KIF26B: variants seen among roughly 807,000 people sequenced by gnomAD.
The protein encoded by KIF26B is kinesin-like protein KIF26B.
Under a neutral mutation model 151.2 loss-of-function variants are expected in KIF26B, and 63 were observed. The observed-to-expected ratio is 0.42, with a 90% CI of 0.34 to 0.51. The LOEUF is 0.51. Ranked by LOEUF, KIF26B falls within the 20% of genes least tolerant of loss-of-function variation. The probability of loss-of-function intolerance (pLI) is 0.07; values close to 1 mark genes in which losing one functional copy is unlikely to be tolerated. For synonymous variants in KIF26B, 1,357 were observed against 1,262.1 expected (o/e 1.08, Z -1.59); for missense variants, 2,813 against 2,913.6 (o/e 0.97, Z 0.79).
At position 245,649,173 on chromosome 1, in the gene KIF26B, C is replaced by T. The variant is rs373194125; in HGVS notation, c.2258+2893C>T. 3.3e-5 allele frequency among the ~76,000 whole-genome samples: 5 copies of T among 152,308 alleles called. No individual in the cohort carries two copies. In the South Asian group the frequency reaches 8.3e-4, roughly 25 times the overall value. ...AAATGTTTTCTCCGAGTCTGGACCA[C>T]GGCCTAGATTCAATATTTGGCATCT... On this transcript the variant is annotated intron_variant, in intron 10 of 14. Coordinates refer to ENST00000407071, the MANE Select transcript of KIF26B (RefSeq NM_018012.4).
rs1323981946 is a variant in KIF26B, at chr1:245,239,035, A to G, written c.465+82352A>G. Among the ~76,000 whole-genome samples the G allele has an allele frequency of 6.6e-6, 1 of 152,112 alleles. No homozygotes were observed. The highest frequency in any genetic ancestry group is 1.5e-5 in the Non-Finnish European group (1 of 68,002). On this transcript the variant is annotated intron_variant, in intron 2 of 14. Transcript: ENST00000407071. This position sits in a 1 kb window ranked among gnomAD's most constrained non-coding sequence, Gnocchi z 4.3. ...TATGGAGACGTGGTTTCTTACGTCTAATTTCGTTTTCCACCATCTACTGCA... is the reference window on the plus strand; with the variant it reads ...TATGGAGACGTGGTTTCTTACGTCTGATTTCGTTTTCCACCATCTACTGCA...
At chr1:245,221,288 A>C (rs1023947439) in intron 2 of KIF26B, among the ~76,000 whole-genome samples, 8 of 151,524 alleles carry the variant, frequency 5.3e-5, no homozygotes, top group Admixed American at 2.0e-4. Context: ...CTTTGGAAAG[A>C]GTTTCTCACA....
intron 2 of KIF26B, among the ~76,000 whole-genome samples, chr1:245,315,176 A>T (rs1558385924): frequency 6.6e-6 from 1 of 152,144 alleles, no homozygotes; most frequent in Admixed American, 6.5e-5. Flanking sequence ...GCAAAACTCC[A>T]TCTCAAAAAA....
chr1:245,620,982 A>T (rs1459805867), intron 9 of KIF26B, among the ~76,000 whole-genome samples: 2 of 152,144 alleles, frequency 1.3e-5, no homozygotes, highest in African/African-American at 2.4e-5. Context: ...CTTCTTATGC[A>T]GGTGACCCAG....
At chr1:245,336,114 C>G (rs1672227084) in intron 2 of KIF26B, among the ~76,000 whole-genome samples, 1 of 121,018 alleles carries the variant, frequency 8.3e-6, no homozygotes, top group Admixed American at 9.7e-5. Flanking sequence ...GGGTCCCACG[C>G]AGGGAAAGAA....
chr1:245,402,715 G>A (rs942595080), intron 3 of KIF26B, among the ~76,000 whole-genome samples: 6 of 152,198 alleles, frequency 3.9e-5, no homozygotes, highest in Non-Finnish European at 8.8e-5. Flanking sequence ...ACTGAAGGCT[G>A]CCTTGGATGG....
Position 245,254,025 on chromosome 1 carries a change from T to C in KIF26B, c.465+97342T>C, listed in dbSNP as rs1307290298. On this transcript the variant is annotated intron_variant, in intron 2 of 14. Transcript: ENST00000407071. ...TGGGGTTTCACCGTGTTAGCCAGGATGGTCTCGATCTCCTGACCTCGTAAT... is the reference window on the plus strand; with the variant it reads ...TGGGGTTTCACCGTGTTAGCCAGGACGGTCTCGATCTCCTGACCTCGTAAT... Among the ~76,000 whole-genome samples, 6 of 151,954 alleles carry C rather than the reference T, an allele frequency of 3.9e-5. No individual in the cohort carries two copies. In the East Asian group the frequency reaches 1.2e-3, roughly 29 times the overall value.
chr1:245,407,732 G>A (rs768245755), intron 3 of KIF26B, among the ~76,000 whole-genome samples: 44 of 152,260 alleles, frequency 2.9e-4, no homozygotes, highest in Non-Finnish European at 5.3e-4. Flanking sequence ...GTTAATTAAT[G>A]TATGAATTAA....
At chr1:245,356,423 G>A in intron 2 of KIF26B, among the ~76,000 whole-genome samples, 1 of 152,130 alleles carries the variant, frequency 6.6e-6, no homozygotes, top group East Asian at 1.9e-4. Flanking sequence ...GGGCGTGGTG[G>A]CGGGCGCCTG....
intron 12 of KIF26B, among the ~76,000 whole-genome samples, chr1:245,690,744 G>A (rs577840413): frequency 1.6e-4 from 25 of 151,720 alleles, no homozygotes; most frequent in Non-Finnish European, 3.4e-4. Flanking sequence ...TTTGCCTGGG[G>A]GGGGGGTATG....
At chr1:245,541,790 A>G (rs1305662523) in intron 5 of KIF26B, among the ~76,000 whole-genome samples, 1 of 152,138 alleles carries the variant, frequency 6.6e-6, no homozygotes, top group Admixed American at 6.5e-5. Flanking sequence ...CGGAGCAACT[A>G]CTAAACTGTG....
intron 4 of KIF26B, among the ~76,000 whole-genome samples, chr1:245,521,262 G>C (rs538979135): frequency 6.6e-6 from 1 of 151,760 alleles, no homozygotes; most frequent in Non-Finnish European, 1.5e-5. Context: ...GCGTGAACCC[G>C]GGAGGCGGAG....
At chr1:245,169,060 C>T (rs748844712) in intron 2 of KIF26B, among the ~76,000 whole-genome samples, 9 of 152,250 alleles carry the variant, frequency 5.9e-5, no homozygotes, top group Non-Finnish European at 1.2e-4. Context: ...GTCCAGAGCG[C>T]GTGATGGCTT....
chr1:245,679,215 C>T (rs945211676), intron 10 of KIF26B, among the ~76,000 whole-genome samples: 14 of 152,248 alleles, frequency 9.2e-5, no homozygotes, highest in African/African-American at 2.9e-4. Flanking sequence ...ATAGATGTGG[C>T]TGTGTTTTAA....
chr1:245,430,703 G>T (rs1326746626), intron 4 of KIF26B, among the ~76,000 whole-genome samples: 2 of 152,030 alleles, frequency 1.3e-5, no homozygotes, highest in Non-Finnish European at 2.9e-5. Flanking sequence ...CTACATTTTT[G>T]AGGGCTTCTT....
intron 4 of KIF26B, among the ~76,000 whole-genome samples, chr1:245,455,302 G>A (rs1216940801): frequency 6.6e-6 from 1 of 152,098 alleles, no homozygotes; most frequent in Non-Finnish European, 1.5e-5. Flanking sequence ...TCAAGAGATC[G>A]AGACCATCCT....
At chr1:245,588,727 C>G (rs184440868) in intron 5 of KIF26B, among the ~76,000 whole-genome samples, 50 of 152,346 alleles carry the variant, frequency 3.3e-4, no homozygotes, top group Middle Eastern at 3.4e-3. Flanking sequence ...AACTGGTTCC[C>G]CATCCTCTGG....
Position 245,606,442 on chromosome 1 carries a change from A to C in KIF26B, c.1558-1209A>C, listed in dbSNP as rs1275973334. Among the ~76,000 whole-genome samples, 2 of 152,214 alleles carry C rather than the reference A, an allele frequency of 1.3e-5. No homozygotes were observed. The highest frequency in any genetic ancestry group is 4.8e-5 in the African/African-American group (2 of 41,464). On this transcript the variant is annotated intron_variant, in intron 6 of 14. Transcript: ENST00000407071. This position sits in a 1 kb window ranked among gnomAD's most constrained non-coding sequence, Gnocchi z 4.6. ...TGACTCCGGCCCCGAGACAGAAATG[A>C]AAGCAACAGGGCACAGCGAATAATG... is the stretch of plus-strand genomic sequence containing the variant.
At chr1:245,221,573 AT>A (rs138404898) in intron 2 of KIF26B, among the ~76,000 whole-genome samples, 1 of 151,890 alleles carries the variant, frequency 6.6e-6, no homozygotes, top group Non-Finnish European at 1.5e-5. Flanking sequence ...CGTCCGGCTA[AT>A]TTTTGTATTT....
Sources: gnomAD v4.1 joint callset for allele counts (sites outside exome capture counted in the v4.1 genomes callset) on GRCh38, gnomAD v4.1.1 for gene constraint, Gnocchi (gnomAD v3.1) non-coding constraint, MANE v1.5 for transcripts, NCBI Gene and HGNC (gene_info 2026-07-23, HGNC 2026-07-21) for gene names.